The following NELL2 variants were observed in gnomAD, a reference collection of about 807,000 sequenced individuals.
NELL2 encodes protein kinase C-binding protein NELL2.
A neutral mutation model predicts 109.6 loss-of-function variants in NELL2; 41 were observed. The observed-to-expected ratio is 0.37, with a 90% confidence interval of 0.29 to 0.49. The LOEUF (loss-of-function observed/expected upper bound fraction) is 0.49, where lower values mean the gene tolerates loss of function less well. NELL2 is among the 20% of genes least tolerant of loss of function. The pLI, the probability that NELL2 is intolerant of heterozygous loss-of-function variation, is 0.98. For synonymous variants in NELL2, 355 were observed against 344.7 expected, an observed-to-expected ratio of 1.03 and a Z score of -0.33; for missense variants, 900 against 1,008.3, an observed-to-expected ratio of 0.89 and a Z score of 1.45.
rs145668311 is a variant in NELL2 at position 44,587,874 on chromosome 12, G to C, written c.1663+19295C>G. On this transcript the variant is annotated intron_variant, in intron 15 of 19. Coordinates refer to ENST00000429094, the MANE Select transcript of NELL2 (RefSeq NM_001145108.2). ...TACGTTATAAAAGTTGGTTTCGGTT[G>C]GGCGCAGTGGCTCACACCTGTAATC... 3.8e-3 allele frequency among the ~76,000 whole-genome samples: 571 copies of C among 152,178 alleles called. 4 individuals carry two copies. Among genetic ancestry groups the C allele is most frequent in the African/African-American group, 0.013 (540 of 41,542 alleles).
At chr12:44,913,983 G>A (rs576299985), upstream of NELL2, 56 of 340,006 alleles carry the variant, frequency 1.6e-4, no homozygotes, top group African/African-American at 1.2e-3. Context: ...ACATCCAATT[G>A]CTCAGTACAT....
intron 2 of NELL2, among the ~76,000 whole-genome samples, chr12:44,859,647 T>C (rs939639210): frequency 1.3e-5 from 2 of 152,188 alleles, no homozygotes; most frequent in African/African-American, 2.4e-5. Context: ...TATAGACAGA[T>C]AATCTAGAAT....
At chr12:44,580,217 T>G (rs994676274) in intron 15 of NELL2, among the ~76,000 whole-genome samples, 5 of 152,182 alleles carry the variant, frequency 3.3e-5, no homozygotes, top group Non-Finnish European at 7.4e-5. Flanking sequence ...AACTGTGTAA[T>G]GTCATTTTTC....
In NELL2 at chr12:44,777,050, A is replaced by G; in HGVS notation, c.754T>C (p.Ser252Pro). The G allele has an allele frequency of 6.2e-7, 1 of 1,613,978 alleles. No individual in the cohort carries two copies. The highest frequency in any genetic ancestry group is 8.5e-7 in the Non-Finnish European group (1 of 1,179,870). Residue 252 changes from serine to proline, a missense_variant, in exon 7 of 20, where the codon TCA becomes CCA. Ser to Pro is a moderately conservative substitution (Grantham distance 74). Coordinates refer to ENST00000429094, the MANE Select transcript of NELL2 (RefSeq NM_001145108.2). ...TCTTGAGTAGCTTTTACCTTGGCTG[A>G]TGTTTTGGCTAAAATATCCTGTAGC... ...MELQDILAKT[S>P]AKLSRAEQRM...
At chr12:44,635,120 G>A (rs1013484171) in intron 13 of NELL2, among the ~76,000 whole-genome samples, 2 of 151,974 alleles carry the variant, frequency 1.3e-5, no homozygotes, top group Non-Finnish European at 2.9e-5. Context: ...CCCACTTTTT[G>A]ATGGGGTTGT....
At chr12:44,875,755 C>T in intron 1 of NELL2, 60 bp downstream of exon 1, 1 of 1,611,598 alleles carries the variant, frequency 6.2e-7, no homozygotes, top group East Asian at 2.2e-5. Flanking sequence ...CCCAGCCAGC[C>T]CATGCTGCCC....
intron 3 of NELL2, among the ~76,000 whole-genome samples, chr12:44,785,865 T>C (rs1592529508): frequency 6.6e-6 from 1 of 152,116 alleles, no homozygotes; most frequent in Non-Finnish European, 1.5e-5. Flanking sequence ...TTACACCTTA[T>C]GCAAAAATTA....
At chr12:44,899,281 T>C (rs1001943457) in intron 1 of NELL2, among the ~76,000 whole-genome samples, 1 of 152,030 alleles carries the variant, frequency 6.6e-6, no homozygotes, top group African/African-American at 2.4e-5. Flanking sequence ...ATGATACTCC[T>C]CGAGAAGAGC....
chr12:44,721,400 A>C (rs984607093), intron 9 of NELL2, among the ~76,000 whole-genome samples: 1 of 152,234 alleles, frequency 6.6e-6, no homozygotes, highest in South Asian at 2.1e-4. Flanking sequence ...CTTAAATACT[A>C]TTAAAGCGAC....
At position 44,587,944 on chromosome 12, in the gene NELL2, G is replaced by A. The variant is rs561034920; in HGVS notation, c.1663+19225C>T. ...AGGCGGGCGGATCACGAGGTCAGGA[G>A]ATAGAGACCATCCTGGCTAACATGG... On this transcript the variant is annotated intron_variant, in intron 15 of 19. Coordinates refer to ENST00000429094, the MANE Select transcript of NELL2 (RefSeq NM_001145108.2). 1.6e-4 allele frequency among the ~76,000 whole-genome samples: 24 copies of A among 152,244 alleles called. No individual in the cohort carries two copies. In the East Asian group the frequency reaches 3.5e-3, roughly 22 times the overall value.
intron 9 of NELL2, among the ~76,000 whole-genome samples, chr12:44,767,534 T>C (rs566040202): frequency 1.4e-5 from 2 of 142,834 alleles, no homozygotes; most frequent in Admixed American, 1.4e-4. Context: ...ACTTACTCTA[T>C]AGAAAAAAGC....
rs74080013 is a variant in NELL2, at chr12:44,859,654, G to C, written c.184+15571C>G. On this transcript the variant is annotated intron_variant, in intron 2 of 19. Coordinates refer to ENST00000429094, the MANE Select transcript of NELL2 (RefSeq NM_001145108.2). Reference sequence around the variant, plus strand: ...TATTGAATTATAGACAGATAATCTAGAATAAGAGAAAGAATAGATGCCTAC... The same window carrying C: ...TATTGAATTATAGACAGATAATCTACAATAAGAGAAAGAATAGATGCCTAC... Among the ~76,000 whole-genome samples, 1,127 of 152,276 alleles carry C rather than the reference G, an allele frequency of 7.4e-3. 15 individuals carry two copies. The highest frequency in any genetic ancestry group is 0.026 in the African/African-American group (1,074 of 41,554).
chr12:44,908,975 CAG>C (rs1740881739), intron 1 of NELL2, among the ~76,000 whole-genome samples: 1 of 151,760 alleles, frequency 6.6e-6, no homozygotes, highest in South Asian at 2.1e-4. Flanking sequence ...ATACCTGTCA[CAG>C]AACACATAAG....
chr12:44,793,370 T>C (rs1049948458), intron 3 of NELL2, among the ~76,000 whole-genome samples: 4 of 152,206 alleles, frequency 2.6e-5, no homozygotes, highest in African/African-American at 7.2e-5. Flanking sequence ...ATGAGTTCTA[T>C]AATAATAAAG....
intron 7 of NELL2, among the ~76,000 whole-genome samples, chr12:44,776,546 A>G (rs1941765126): frequency 6.6e-6 from 1 of 152,244 alleles, no homozygotes; most frequent in African/African-American, 2.4e-5. Context: ...ACCATACAAC[A>G]CAACCATCAG....
chr12:44,904,898 G>C (rs997163829), intron 1 of NELL2, among the ~76,000 whole-genome samples: 1 of 152,098 alleles, frequency 6.6e-6, no homozygotes, highest in African/African-American at 2.4e-5. Flanking sequence ...AAAGTGGCCT[G>C]ATGGTTCATT....
At chr12:44,555,317 G>A (rs1399057582) in intron 15 of NELL2, among the ~76,000 whole-genome samples, 1 of 152,178 alleles carries the variant, frequency 6.6e-6, no homozygotes, top group Non-Finnish European at 1.5e-5. Context: ...CCTAAAATAA[G>A]TAACTGGTTT....
At chr12:44,739,003 C>T (rs1402957846) in intron 9 of NELL2, among the ~76,000 whole-genome samples, 1 of 152,074 alleles carries the variant, frequency 6.6e-6, no homozygotes, top group Non-Finnish European at 1.5e-5. Context: ...GAGGCTTTAT[C>T]CCTCTTTCTA....
intron 9 of NELL2, among the ~76,000 whole-genome samples, chr12:44,733,635 G>A (rs552511131): frequency 4.4e-4 from 67 of 151,970 alleles, no homozygotes; most frequent in African/African-American, 1.6e-3. Flanking sequence ...GATGTCTGCT[G>A]TACATCAATG....
Sources: gnomAD v4.1 joint callset for allele counts (sites outside exome capture counted in the v4.1 genomes callset) on GRCh38, gnomAD v4.1.1 for gene constraint, MANE v1.5 for transcripts, NCBI Gene and HGNC (gene_info 2026-07-23, HGNC 2026-07-21) for gene names.